The following TSHZ1 variants were observed in gnomAD, a reference collection of about 807,000 sequenced individuals.
TSHZ1 encodes teashirt homolog 1.
Under a neutral mutation model 67.1 loss-of-function variants are expected in TSHZ1, and 12 were observed. That is an observed-to-expected ratio of 0.18 (90% CI 0.11 to 0.29). TSHZ1 has a LOEUF of 0.29. Among genes scored for constraint, TSHZ1 ranks in the 10% least tolerant of loss-of-function variants. The probability of loss-of-function intolerance (pLI) is 1.00; values close to 1 mark genes in which losing one functional copy is unlikely to be tolerated. For missense variants in TSHZ1, 1,305 were observed against 1,413.9 expected (o/e 0.92, Z 1.23); for synonymous variants, 632 against 622.4 (o/e 1.02, Z -0.23).
At chr18:75,261,067 T>G (rs959685469) in intron 1 of TSHZ1, among the ~76,000 whole-genome samples, 1 of 151,896 alleles carries the variant, frequency 6.6e-6, no homozygotes, top group African/African-American at 2.4e-5. Context: ...CACGTTTCAT[T>G]GGCCACATCT....
At chr18:75,229,344 G>C (rs8090171) in intron 1 of TSHZ1, among the ~76,000 whole-genome samples, 1 of 152,186 alleles carries the variant, frequency 6.6e-6, no homozygotes, top group Non-Finnish European at 1.5e-5. Context: ...GGATTGATGC[G>C]TCTCATCTCT....
At chr18:75,260,401 A>C (rs77512693) in intron 1 of TSHZ1, among the ~76,000 whole-genome samples, 4 of 152,190 alleles carry the variant, frequency 2.6e-5, no homozygotes, top group Admixed American at 6.5e-5. Flanking sequence ...TTTAAGTTCT[A>C]TGAAGACAAA....
chr18:75,275,341 G>GT (rs972657217), intron 1 of TSHZ1, among the ~76,000 whole-genome samples: 34 of 152,288 alleles, frequency 2.2e-4, no homozygotes, highest in African/African-American at 8.2e-4. Flanking sequence ...TAAACTTTGT[G>GT]TTAAAGTATT....
intron 1 of TSHZ1, among the ~76,000 whole-genome samples, chr18:75,273,256 A>G (rs772990351): frequency 2.6e-5 from 4 of 152,236 alleles, no homozygotes; most frequent in Non-Finnish European, 5.9e-5. Context: ...TATGGAATAT[A>G]AAACAGGATG....
intron 1 of TSHZ1, among the ~76,000 whole-genome samples, chr18:75,217,931 T>C (rs1222432232): frequency 6.6e-6 from 1 of 151,996 alleles, no homozygotes; most frequent in Non-Finnish European, 1.5e-5. Context: ...CTTAAAGAGG[T>C]GTGCTACCCA....
chr18:75,215,644 A>G (rs2022756813), intron 1 of TSHZ1, among the ~76,000 whole-genome samples: 1 of 152,222 alleles, frequency 6.6e-6, no homozygotes, highest in Non-Finnish European at 1.5e-5. Flanking sequence ...CAACTGCAAT[A>G]TCATTGCAAA....
intron 1 of TSHZ1, among the ~76,000 whole-genome samples, chr18:75,241,273 G>A (rs961739746): frequency 8.5e-5 from 13 of 152,098 alleles, no homozygotes; most frequent in Admixed American, 2.6e-4. Flanking sequence ...CTGCAGTCCC[G>A]GCATGTTTCT....
At chr18:75,223,945 A>G (rs2022883328) in intron 1 of TSHZ1, among the ~76,000 whole-genome samples, 1 of 151,796 alleles carries the variant, frequency 6.6e-6, no homozygotes, top group Non-Finnish European at 1.5e-5. Context: ...ATTCTTAATG[A>G]TACTTTTTCC....
At chr18:75,213,559 G>A (rs564036656) in intron 1 of TSHZ1, among the ~76,000 whole-genome samples, 39 of 151,998 alleles carry the variant, frequency 2.6e-4, no homozygotes, top group Non-Finnish European at 4.6e-4. Context: ...TTAAAATTGC[G>A]GTGAATATTT....
chr18:75,236,257 G>A (rs571954526), intron 1 of TSHZ1, among the ~76,000 whole-genome samples: 21 of 152,052 alleles, frequency 1.4e-4, no homozygotes, highest in East Asian at 3.9e-4. Flanking sequence ...ACCTTCCCAC[G>A]AGCCATCACA....
chr18:75,279,098 G>A (rs981533814), intron 1 of TSHZ1, among the ~76,000 whole-genome samples: 3 of 152,142 alleles, frequency 2.0e-5, no homozygotes, highest in Non-Finnish European at 4.4e-5. Context: ...GGAGAATGGT[G>A]AGGATGTGCT....
At chr18:75,255,170 C>A (rs1251684080) in intron 1 of TSHZ1, among the ~76,000 whole-genome samples, 1 of 152,194 alleles carries the variant, frequency 6.6e-6, no homozygotes, top group East Asian at 1.9e-4. Flanking sequence ...TCTTCCTCCT[C>A]TACCATCTGG....
intron 1 of TSHZ1, among the ~76,000 whole-genome samples, chr18:75,224,633 C>T (rs1001980033): frequency 6.6e-6 from 1 of 152,152 alleles, no homozygotes; most frequent in Admixed American, 6.5e-5. Flanking sequence ...AAACCACTGG[C>T]TTTATCGGCT....
intron 1 of TSHZ1, among the ~76,000 whole-genome samples, chr18:75,246,015 C>T (rs2023217163): frequency 6.6e-6 from 1 of 152,220 alleles, no homozygotes; most frequent in African/African-American, 2.4e-5. Context: ...CTTCCCCTCT[C>T]CCCCAGCAAA....
chr18:75,240,498 G>A (rs2023140717), intron 1 of TSHZ1, among the ~76,000 whole-genome samples: 1 of 152,124 alleles, frequency 6.6e-6, no homozygotes, highest in Non-Finnish European at 1.5e-5. Flanking sequence ...GCCGCGTCCT[G>A]CAGTGGGTCC....
chr18:75,285,391 G>A, intron 1 of TSHZ1, 57 bp from the exon 2 acceptor site: 1 of 1,415,228 alleles, frequency 7.1e-7, no homozygotes, highest in Non-Finnish European at 9.2e-7. Flanking sequence ...TGCTGGGGAG[G>A]CTGTCTCTTT....
intron 1 of TSHZ1, among the ~76,000 whole-genome samples, chr18:75,253,446 G>T (rs1438130868): frequency 6.6e-6 from 1 of 152,146 alleles, no homozygotes; most frequent in Non-Finnish European, 1.5e-5. Context: ...ATGCCTTAAC[G>T]CATCTTCTGC....
chr18:75,275,321 C>CT (rs1363380349), intron 1 of TSHZ1, among the ~76,000 whole-genome samples: 2 of 152,170 alleles, frequency 1.3e-5, no homozygotes, highest in African/African-American at 4.8e-5. Context: ...AGAAGTTCAC[C>CT]TTTTTGGAAT....
intron 1 of TSHZ1, among the ~76,000 whole-genome samples, chr18:75,270,327 A>T (rs2023542372): frequency 6.6e-6 from 1 of 152,228 alleles, no homozygotes; most frequent in South Asian, 2.1e-4. Context: ...CAGTTAATAC[A>T]TGTAGAGTAC....
Sources: allele counts gnomAD v4.1 joint callset (sites outside exome capture counted in the v4.1 genomes callset), GRCh38; gene constraint gnomAD v4.1.1; transcripts MANE v1.5; gene names NCBI Gene and HGNC (gene_info 2026-07-23, HGNC 2026-07-21).